TENM4: variants seen among roughly 807,000 people sequenced by gnomAD.
The protein encoded by TENM4 is teneurin-4.
TENM4 carries 82 observed loss-of-function variants against 243.3 expected under a neutral mutation model. The observed-to-expected ratio is 0.34, with a 90% CI of 0.28 to 0.40. The LOEUF is 0.40. Ranked by LOEUF, TENM4 falls within the 10% of genes least tolerant of loss-of-function variation. The pLI is 1.00. For synonymous variants in TENM4, 1,412 were observed against 1,456.3 expected, an observed-to-expected ratio of 0.97 and a Z score of 0.69; for missense variants, 3,138 against 3,673.3, an observed-to-expected ratio of 0.85 and a Z score of 3.77.
chr11:79,405,278 G>C (rs2135562553), intron 1 of TENM4, among the ~76,000 whole-genome samples: 1 of 152,110 alleles, frequency 6.6e-6, no homozygotes, highest in East Asian at 1.9e-4. Context: ...CTCACTTACT[G>C]CTCACAGCAA....
At chr11:78,762,265 A>C (rs1856447039) in intron 18 of TENM4, among the ~76,000 whole-genome samples, 1 of 152,204 alleles carries the variant, frequency 6.6e-6, no homozygotes, top group South Asian at 2.1e-4. Flanking sequence ...AATGGTAGTT[A>C]CTTAAATTAG....
chr11:79,074,480 C>T (rs529060629), intron 4 of TENM4, among the ~76,000 whole-genome samples: 7 of 152,212 alleles, frequency 4.6e-5, no homozygotes, highest in Non-Finnish European at 1.0e-4. Flanking sequence ...TACCCACCAA[C>T]CTCTGGGTTC....
chr11:78,825,449 C>G (rs1215247440), intron 12 of TENM4, among the ~76,000 whole-genome samples: 1 of 152,140 alleles, frequency 6.6e-6, no homozygotes, highest in Non-Finnish European at 1.5e-5. Context: ...TGGGCCCTAC[C>G]CACCAGAGTT....
At chr11:78,854,448 C>G (rs1007272242) in intron 11 of TENM4, 134 bp from the exon 12 acceptor site, 33 of 723,512 alleles carry the variant, frequency 4.6e-5, no homozygotes, top group Non-Finnish European at 6.0e-5. Flanking sequence ...GCTAAGGGTG[C>G]AGGAAGGTTG....
At chr11:79,041,154 C>G (rs1859516008) in intron 6 of TENM4, among the ~76,000 whole-genome samples, 1 of 151,728 alleles carries the variant, frequency 6.6e-6, no homozygotes. Context: ...ACCTCCGCCT[C>G]CCGGGTTCAA....
intron 2 of TENM4, among the ~76,000 whole-genome samples, chr11:79,235,141 G>A (rs1465520140): frequency 5.3e-5 from 8 of 151,888 alleles, no homozygotes; most frequent in Non-Finnish European, 1.0e-4. Flanking sequence ...GTGAAACCCC[G>A]TCTCTACTAA....
At chr11:79,028,332 T>C (rs1321840634) in intron 6 of TENM4, among the ~76,000 whole-genome samples, 2 of 152,228 alleles carry the variant, frequency 1.3e-5, no homozygotes, top group Non-Finnish European at 2.9e-5. Flanking sequence ...TCAGCTTCCC[T>C]GGGAAATAAA....
rs867084707 is a variant in TENM4, at chr11:78,710,766, C to T, written c.4054+1716G>A. On this transcript the variant is annotated intron_variant, in intron 26 of 33. Transcript: ENST00000278550. The stretch of plus-strand genomic sequence containing the variant: ...TCCCTGCTGCAAAGTGCCTGCATAT[C>T]GTGGCACCCTTGTCATTTCTATGTG... Among the ~76,000 whole-genome samples, 8 of 152,140 alleles carry T rather than the reference C, an allele frequency of 5.3e-5. No individual in the cohort carries two copies. The South Asian group carries it at 1.4e-3, about 28-fold the overall frequency.
intron 3 of TENM4, among the ~76,000 whole-genome samples, chr11:79,185,253 G>A (rs868602635): frequency 2.6e-4 from 39 of 152,036 alleles, no homozygotes; most frequent in African/African-American, 9.2e-4. Context: ...AGCTGAGATC[G>A]TACCACTGCA....
chr11:78,974,195 A>AT (rs1857602506), intron 6 of TENM4, among the ~76,000 whole-genome samples: 1 of 152,210 alleles, frequency 6.6e-6, no homozygotes, highest in African/African-American at 2.4e-5. Flanking sequence ...CCACATGGTA[A>AT]TTCCACATAT....
intron 6 of TENM4, among the ~76,000 whole-genome samples, chr11:79,006,697 C>T (rs1858493540): frequency 6.6e-6 from 1 of 152,168 alleles, no homozygotes; most frequent in African/African-American, 2.4e-5. Context: ...ACATTAGAAA[C>T]TTTGCTATCT....
At chr11:78,920,937 G>A (rs1040258776) in intron 6 of TENM4, among the ~76,000 whole-genome samples, 1 of 152,146 alleles carries the variant, frequency 6.6e-6, no homozygotes, top group Non-Finnish European at 1.5e-5. Context: ...GCCGGGCTCT[G>A]TGCTAGGTAC....
chr11:78,807,973 C>T (rs1037179351), intron 14 of TENM4, among the ~76,000 whole-genome samples: 2 of 152,112 alleles, frequency 1.3e-5, no homozygotes, highest in African/African-American at 2.4e-5. Context: ...TTGAAAGGAC[C>T]GTATAAACTG....
At chr11:79,262,721 A>G (rs554308574) in intron 2 of TENM4, among the ~76,000 whole-genome samples, 1 of 152,356 alleles carries the variant, frequency 6.6e-6, no homozygotes, top group African/African-American at 2.4e-5. Context: ...CAAGACTTAG[A>G]GTCAAATCCC....
At chr11:79,274,170 T>C (rs1379505560) in intron 2 of TENM4, among the ~76,000 whole-genome samples, 5 of 152,180 alleles carry the variant, frequency 3.3e-5, no homozygotes, top group African/African-American at 1.2e-4. Flanking sequence ...TGTAGGTGCC[T>C]GCAACATAAA....
chr11:78,735,150 CA>C (rs1855757540), intron 20 of TENM4, among the ~76,000 whole-genome samples: 1 of 152,186 alleles, frequency 6.6e-6, no homozygotes, highest in East Asian at 1.9e-4. Context: ...TTTGGGGCTC[CA>C]AGCTCCAAAG....
At chr11:79,304,778 C>T (rs1408923345) in intron 1 of TENM4, among the ~76,000 whole-genome samples, 1 of 152,216 alleles carries the variant, frequency 6.6e-6, no homozygotes. Context: ...TGGGTGCTCT[C>T]ATCACAGCTG....
intron 1 of TENM4, among the ~76,000 whole-genome samples, chr11:79,426,205 A>G (rs992706084): frequency 5.3e-5 from 8 of 152,238 alleles, no homozygotes; most frequent in Admixed American, 5.2e-4. Context: ...TAACAAGTTC[A>G]GATGACATCA....
chr11:78,722,576 A>G, intron 24 of TENM4, 92 bp downstream of exon 24: 1 of 1,517,632 alleles, frequency 6.6e-7, no homozygotes, highest in Non-Finnish European at 8.9e-7. Context: ...GTCCTATCCC[A>G]CTTCCCTGGG....
Sources: allele counts gnomAD v4.1 joint callset (sites outside exome capture counted in the v4.1 genomes callset), GRCh38; gene constraint gnomAD v4.1.1; transcripts MANE v1.5; gene names NCBI Gene and HGNC (gene_info 2026-07-23, HGNC 2026-07-21).